The following GNAO1 variants were observed in gnomAD, a reference collection of about 807,000 sequenced individuals.
The protein encoded by GNAO1 is G protein subunit alpha o1.
For missense variants in GNAO1, 166 were observed against 478.7 expected, an observed-to-expected ratio of 0.35 and a Z score of 6.10; for synonymous variants, 164 against 180.7, an observed-to-expected ratio of 0.91 and a Z score of 0.74.
intron 3 of GNAO1, among the ~76,000 whole-genome samples, chr16:56,288,945 T>A (rs1218002599): frequency 6.6e-6 from 1 of 152,100 alleles, no homozygotes; most frequent in Non-Finnish European, 1.5e-5. Context: ...CCCTACCTCC[T>A]TTTTAGTTCT....
intron 8 of GNAO1, 44 bp downstream of exon 8, chr16:56,355,125 TACACACACAC>T (rs59437828): frequency 9.2e-5 from 51 of 556,372 alleles, no homozygotes; most frequent in South Asian, 6.0e-4. Flanking sequence ...TGCGCGCGCA[TACACACACAC>T]ACACACACAC....
At chr16:56,345,458 G>A in intron 6 of GNAO1, 3 of 985,774 alleles carry the variant, frequency 3.0e-6, no homozygotes, top group Non-Finnish European at 3.6e-6. Context: ...GGAAGCACCA[G>A]TGCCAACAGC....
At chr16:56,257,842 G>C (rs1346375055) in intron 2 of GNAO1, among the ~76,000 whole-genome samples, 1 of 152,230 alleles carries the variant, frequency 6.6e-6, no homozygotes, top group African/African-American at 2.4e-5. Context: ...ACTGAGGGCT[G>C]TGGGCGTAGA....
chr16:56,226,741 T>G (rs2036536395), intron 2 of GNAO1, among the ~76,000 whole-genome samples: 1 of 152,194 alleles, frequency 6.6e-6, no homozygotes, highest in Non-Finnish European at 1.5e-5. Flanking sequence ...AACTATGAGT[T>G]TGGTGGTTTC....
At chr16:56,251,445 TAAAC>T (rs1222246700) in intron 2 of GNAO1, among the ~76,000 whole-genome samples, 2 of 152,304 alleles carry the variant, frequency 1.3e-5, no homozygotes, top group East Asian at 1.9e-4. Context: ...AATGGTAAAA[TAAAC>T]AACATCATTA....
intron 6 of GNAO1, chr16:56,345,902 T>C: frequency 3.0e-6 from 3 of 985,476 alleles, no homozygotes; most frequent in Non-Finnish European, 3.6e-6. Context: ...GCCATCACCC[T>C]GGAGGTGGAA....
intron 3 of GNAO1, among the ~76,000 whole-genome samples, chr16:56,279,789 C>T (rs1398712099): frequency 6.6e-6 from 1 of 152,206 alleles, no homozygotes; most frequent in African/African-American, 2.4e-5. Context: ...GAACAGGGGA[C>T]ACAGCACACA....
In GNAO1 at chr16:56,354,733, C is replaced by A; in HGVS notation, c.878-133C>A. ...TATGGCTTGGAACTGCCCAGCAGTT[C>A]CTACTGCTCCCTTCCTGTCTCATCC... On this transcript the variant is annotated intron_variant, in intron 7 of 8. Coordinates refer to ENST00000262493, the MANE Select transcript of GNAO1 (RefSeq NM_020988.3). The surrounding 1 kb of genome is among the most constrained non-coding windows in gnomAD (Gnocchi z 4.3). The A allele has an allele frequency of 3.4e-6, 2 of 588,840 alleles. No homozygotes were observed. Among genetic ancestry groups the A allele is most frequent in the Non-Finnish European group, 6.1e-6 (2 of 329,944 alleles). The allele number at this position is 588,840 out of a possible 1,614,324, so 36.5% of individuals were successfully genotyped here.
chr16:56,220,907 C>A (rs1414212549), intron 2 of GNAO1, among the ~76,000 whole-genome samples: 1 of 152,102 alleles, frequency 6.6e-6, no homozygotes, highest in African/African-American at 2.4e-5. Flanking sequence ...GCCACCGCGA[C>A]CTGCTGATTT....
rs145674018 is a variant in GNAO1, at chr16:56,309,535, C to G, written c.304-19096C>G. Among the ~76,000 whole-genome samples the G allele has an allele frequency of 6.0e-4, 91 of 152,232 alleles. 1 individual carries two copies. The East Asian group carries it at 0.014, about 24-fold the overall frequency. ...GTGGGGACAAGGACAGAGAAGGGAG[C>G]AGGAGGTCTGCGGGCTTGGAAGCCT... On this transcript the variant is annotated intron_variant, in intron 3 of 8. Transcript: ENST00000262493.
intron 4 of GNAO1, chr16:56,329,134 C>T: frequency 4.8e-6 from 1 of 207,196 alleles, no homozygotes. Flanking sequence ...TTATAGGGAG[C>T]CCCTGACCGC....
intron 2 of GNAO1, among the ~76,000 whole-genome samples, chr16:56,221,573 C>A (rs2036488212): frequency 6.6e-6 from 1 of 150,766 alleles, no homozygotes; most frequent in South Asian, 2.1e-4. Context: ...TCGCTTGAAC[C>A]CAGGAGGCAG....
At chr16:56,270,971 A>T (rs2037010920) in intron 2 of GNAO1, 1 of 152,152 alleles carries the variant, frequency 6.6e-6, no homozygotes, top group African/African-American at 2.4e-5. Context: ...TATCTCGTGG[A>T]GCCTCGCTCC....
chr16:56,334,606 T>G, intron 4 of GNAO1, 123 bp from the exon 5 acceptor site: 2 of 1,014,956 alleles, frequency 2.0e-6, no homozygotes, highest in Non-Finnish European at 2.9e-6. Context: ...GGAGGTGATG[T>G]CTTTTCCACA....
intron 2 of GNAO1, among the ~76,000 whole-genome samples, chr16:56,274,435 A>T (rs2037044212): frequency 6.6e-6 from 1 of 152,242 alleles, no homozygotes; most frequent in Non-Finnish European, 1.5e-5. Flanking sequence ...TAATAGGGTC[A>T]TTCTGATCTG....
chr16:56,332,118 C>T (rs1055140886), intron 4 of GNAO1, among the ~76,000 whole-genome samples: 3 of 152,190 alleles, frequency 2.0e-5, no homozygotes, highest in African/African-American at 7.2e-5. Context: ...CTGCAGGCCC[C>T]ACCCGCTGAC....
intron 2 of GNAO1, among the ~76,000 whole-genome samples, chr16:56,269,856 GAGA>G (rs2036998559): frequency 6.6e-6 from 1 of 152,168 alleles, no homozygotes; most frequent in Non-Finnish European, 1.5e-5. Flanking sequence ...CTATGATTCA[GAGA>G]AGGAGAATGG....
chr16:56,344,119 G>A, intron 6 of GNAO1: 3 of 1,447,336 alleles, frequency 2.1e-6, no homozygotes, highest in South Asian at 2.9e-5. Flanking sequence ...CCCCCCAACA[G>A]AACTTGTGGT....
At chr16:56,323,054 C>T (rs1398244751) in intron 3 of GNAO1, among the ~76,000 whole-genome samples, 1 of 152,076 alleles carries the variant, frequency 6.6e-6, no homozygotes, top group Non-Finnish European at 1.5e-5. Flanking sequence ...GGTGGGCTTC[C>T]CTAAGGAGGT....
Sources: allele counts gnomAD v4.1 joint callset (sites outside exome capture counted in the v4.1 genomes callset), GRCh38; gene constraint gnomAD v4.1.1; non-coding constraint Gnocchi (gnomAD v3.1); transcripts MANE v1.5; gene names NCBI Gene and HGNC (gene_info 2026-07-23, HGNC 2026-07-21).